Variants in RAD54B observed in about 807,000 individuals in gnomAD.
RAD54B encodes the protein DNA repair and recombination protein RAD54B.
A neutral mutation model predicts 95.8 loss-of-function variants in RAD54B; 78 were observed. The ratio of observed to expected loss-of-function variants is 0.81; its 90% CI spans 0.68 to 0.98. RAD54B has a LOEUF of 0.98. Among genes scored for constraint, RAD54B ranks in the 50% least tolerant of loss-of-function variants. RAD54B has a pLI of 0.00. For synonymous variants in RAD54B, 328 were observed against 354.9 expected (o/e 0.92, Z 0.85); for missense variants, 957 against 1,056.6 (o/e 0.91, Z 1.31).
chr8:94,416,192 A>T (rs2130054327), intron 3 of RAD54B, among the ~76,000 whole-genome samples: 1 of 151,958 alleles, frequency 6.6e-6, no homozygotes, highest in South Asian at 2.1e-4. Context: ...AGCCATAAAA[A>T]ATGATGAGTT....
chr8:94,438,684 T>C (rs1194723035), intron 3 of RAD54B, among the ~76,000 whole-genome samples: 1 of 152,236 alleles, frequency 6.6e-6, no homozygotes, highest in Non-Finnish European at 1.5e-5. Context: ...ACAGGTATTA[T>C]GTTAAGAATG....
chr8:94,463,650 A>G (rs1321073020), intron 2 of RAD54B, among the ~76,000 whole-genome samples: 3 of 152,030 alleles, frequency 2.0e-5, no homozygotes, highest in Non-Finnish European at 4.4e-5. Flanking sequence ...GAGGCTGAGG[A>G]GAGGACTGCT....
At chr8:94,445,987 T>C (rs1191998649) in intron 3 of RAD54B, among the ~76,000 whole-genome samples, 1 of 152,210 alleles carries the variant, frequency 6.6e-6, no homozygotes, top group Non-Finnish European at 1.5e-5. Context: ...CTTGAGATGG[T>C]AGGTTTATGG....
intron 5 of RAD54B, among the ~76,000 whole-genome samples, chr8:94,406,152 T>C (rs1242077573): frequency 6.6e-6 from 1 of 152,090 alleles, no homozygotes; most frequent in Non-Finnish European, 1.5e-5. Flanking sequence ...GAGTATATAC[T>C]AGACACTCTA....
chr8:94,425,145 G>A (rs882521), intron 3 of RAD54B, among the ~76,000 whole-genome samples: 17,818 of 149,100 alleles, frequency 0.12, 1,940 homozygotes, highest in East Asian at 0.32. Context: ...GGGCATTATC[G>A]TCTTAGTGAA....
intron 10 of RAD54B, among the ~76,000 whole-genome samples, chr8:94,390,507 TAAATAAATAAAC>T (rs1206654206): frequency 2.7e-5 from 4 of 149,188 alleles, no homozygotes; most frequent in Admixed American, 6.7e-5. Flanking sequence ...TCTCAAAAAA[TAAATAAATAAAC>T]AAATAAATAA....
chr8:94,469,101 T>G (rs1287593956), intron 1 of RAD54B, among the ~76,000 whole-genome samples: 1 of 55,290 alleles, frequency 1.8e-5, no homozygotes, highest in Non-Finnish European at 3.6e-5. Context: ...CCATCTCTTG[T>G]TTTTTTTTTT....
At chr8:94,399,354 C>CA (rs1316324484) in intron 8 of RAD54B, 60 bp downstream of exon 8, 3 of 1,315,998 alleles carry the variant, frequency 2.3e-6, no homozygotes, top group Non-Finnish European at 3.3e-6. Context: ...CATCATAGTA[C>CA]AAGTCTGTAT....
At chr8:94,437,972 T>C (rs1346069834) in intron 3 of RAD54B, among the ~76,000 whole-genome samples, 1 of 152,180 alleles carries the variant, frequency 6.6e-6, no homozygotes, top group East Asian at 1.9e-4. Flanking sequence ...AATTAGAACA[T>C]ACTTGAACAT....
intron 8 of RAD54B, 103 bp downstream of exon 8, chr8:94,399,311 C>A: frequency 1.2e-6 from 1 of 866,820 alleles, no homozygotes; most frequent in South Asian, 1.6e-5. Flanking sequence ...AGTATAAATT[C>A]CATCCAACAC....
intron 3 of RAD54B, among the ~76,000 whole-genome samples, chr8:94,422,107 A>G (rs568230083): frequency 5.3e-4 from 81 of 152,250 alleles, no homozygotes; most frequent in African/African-American, 1.9e-3. Flanking sequence ...TATTACCTCA[A>G]CATTATCTCA....
At chr8:94,421,585 A>G (rs1811807903) in intron 3 of RAD54B, among the ~76,000 whole-genome samples, 2 of 152,046 alleles carry the variant, frequency 1.3e-5, no homozygotes, top group South Asian at 2.1e-4. Context: ...CAAACTCATC[A>G]TGTCCATGTA....
intron 3 of RAD54B, among the ~76,000 whole-genome samples, chr8:94,412,362 C>T (rs1157849534): frequency 1.0e-5 from 1 of 100,134 alleles, no homozygotes; most frequent in Admixed American, 1.4e-4. Flanking sequence ...CTTCAACATG[C>T]CAATTTCATT....
chr8:94,439,001 A>G (rs931404128), intron 3 of RAD54B, among the ~76,000 whole-genome samples: 8 of 152,142 alleles, frequency 5.3e-5, no homozygotes, highest in African/African-American at 1.9e-4. Context: ...CTGAGGTGGA[A>G]GGATCACTTG....
chr8:94,424,652 A>C (rs1811899994), intron 3 of RAD54B, among the ~76,000 whole-genome samples: 1 of 152,150 alleles, frequency 6.6e-6, no homozygotes, highest in Non-Finnish European at 1.5e-5. Flanking sequence ...CCAGTCTATA[A>C]TTTCTTAACT....
chr8:94,427,683 C>G (rs1586161188), intron 3 of RAD54B: 2 of 979,174 alleles, frequency 2.0e-6, no homozygotes, highest in East Asian at 2.3e-4. Flanking sequence ...AATTATTTGT[C>G]TTAACGGCAC....
intron 3 of RAD54B, among the ~76,000 whole-genome samples, chr8:94,423,331 A>C (rs1279637603): frequency 6.6e-6 from 1 of 152,142 alleles, no homozygotes; most frequent in Non-Finnish European, 1.5e-5. Context: ...GCAGTGAGCC[A>C]AGATCGCGCC....
At position 94,404,153 on chromosome 8, in the gene RAD54B, G is replaced by T. The variant is rs988904367; in HGVS notation, c.868C>A (p.Pro290Thr). Residue 290 changes from proline (P) to threonine (T), a missense_variant, in exon 6 of 15, where the codon CCT (proline) becomes ACT (threonine). Coordinates refer to ENST00000336148, the MANE Select transcript of RAD54B (RefSeq NM_012415.3). ...CFPLVDVVID[P>T]YLVYHLRPHQ... Reference sequence around the variant, plus strand: ...GGTCGAAGATGATATACAAGGTAAGGATCAATCACTACATCCACAAGAGGG... The same window carrying T: ...GGTCGAAGATGATATACAAGGTAAGTATCAATCACTACATCCACAAGAGGG... The T allele has an allele frequency of 6.2e-7, 1 of 1,610,534 alleles. No homozygotes were observed. The highest frequency in any genetic ancestry group is 1.3e-5 in the African/African-American group (1 of 74,784).
intron 3 of RAD54B, chr8:94,436,427 C>G (rs184366330): frequency 6.9e-7 from 1 of 1,454,738 alleles, no homozygotes; most frequent in Non-Finnish European, 9.0e-7. Context: ...ATCTCTATCA[C>G]GACTAAGCCA....
Sources: allele counts gnomAD v4.1 joint callset (sites outside exome capture counted in the v4.1 genomes callset), GRCh38; gene constraint gnomAD v4.1.1; transcripts MANE v1.5; gene names NCBI Gene and HGNC (gene_info 2026-07-23, HGNC 2026-07-21).